RTL4: variants seen among roughly 807,000 people sequenced by gnomAD.
The protein encoded by RTL4 is retrotransposon Gag like 4, also known as retrotransposon Gag-like protein 4.
A neutral mutation model predicts 5.3 loss-of-function variants in RTL4; 4 were observed. The observed-to-expected ratio is 0.75, with a 90% CI of 0.37 to 1.72. The LOEUF (loss-of-function observed/expected upper bound fraction) is 1.72, where lower values mean the gene tolerates loss of function less well. RTL4 is among the 40% of genes most tolerant of loss of function. The pLI is 0.04. For missense variants in RTL4, 260 were observed against 227.1 expected (o/e 1.14, Z -0.93); for synonymous variants, 98 against 87.3 (o/e 1.12, Z -0.68).
chrX:112,125,381 C>T, the RTL4 span, among the ~76,000 whole-genome samples: 4 of 111,704 alleles, frequency 3.6e-5, no homozygotes, highest in African/African-American at 1.3e-4. Context: ...TAAAACCTTA[C>T]CTCACACACA....
chrX:112,409,249 A>G, the RTL4 span, among the ~76,000 whole-genome samples: 1 of 112,234 alleles, frequency 8.9e-6, no homozygotes, highest in African/African-American at 3.2e-5. Flanking sequence ...AACAAATAGA[A>G]ACAACCAAAA....
At chrX:112,169,175 T>G in the RTL4 span, among the ~76,000 whole-genome samples, 1 of 106,883 alleles carries the variant, frequency 9.4e-6, no homozygotes, top group Non-Finnish European at 1.9e-5. Context: ...TGTGCAATGG[T>G]GCGTTCTCGG....
At chrX:112,234,640 C>T in the RTL4 span, among the ~76,000 whole-genome samples, 5 of 111,962 alleles carry the variant, frequency 4.5e-5, no homozygotes, top group Admixed American at 9.5e-5. Context: ...CCCACCTGTA[C>T]GTGCTCCTCC....
At chrX:112,226,192 C>A in the RTL4 span, among the ~76,000 whole-genome samples, 1 of 111,770 alleles carries the variant, frequency 8.9e-6, no homozygotes, top group Non-Finnish European at 1.9e-5. Flanking sequence ...CTTTTAAAAC[C>A]CAGCTCTTTC....
chrX:112,288,064 A>G, the RTL4 span, among the ~76,000 whole-genome samples: 1 of 111,752 alleles, frequency 8.9e-6, no homozygotes, highest in Admixed American at 9.5e-5. Flanking sequence ...GAGGACAACA[A>G]CTGTTGCTCT....
the RTL4 span, among the ~76,000 whole-genome samples, chrX:112,133,549 G>T: frequency 1.6e-4 from 18 of 111,493 alleles, no homozygotes; most frequent in East Asian, 4.0e-3. Flanking sequence ...CATCCATGCA[G>T]TTTGAAAACA....
the RTL4 span, among the ~76,000 whole-genome samples, chrX:112,392,612 C>G: frequency 4.5e-5 from 5 of 110,669 alleles, no homozygotes; most frequent in African/African-American, 1.6e-4. Flanking sequence ...GAGCAGCAGT[C>G]CTGTGCTCCT....
chrX:112,401,385 C>G, the RTL4 span, among the ~76,000 whole-genome samples: 1 of 111,582 alleles, frequency 9.0e-6, no homozygotes, highest in African/African-American at 3.3e-5. Flanking sequence ...TATCTATATC[C>G]TATCTACTGC....
chrX:112,324,610 T>C, the RTL4 span, among the ~76,000 whole-genome samples: 1 of 111,730 alleles, frequency 9.0e-6, no homozygotes, highest in African/African-American at 3.2e-5. Flanking sequence ...ATTTCCTTTG[T>C]AGCACTCTTT....
chrX:112,148,136 A>AT, the RTL4 span, among the ~76,000 whole-genome samples: 2 of 110,553 alleles, frequency 1.8e-5, no homozygotes, highest in Admixed American at 1.9e-4. Flanking sequence ...GAAGAGCATT[A>AT]TTTGACAGAT....
chrX:112,117,027 T>C, the RTL4 span, among the ~76,000 whole-genome samples: 1 of 111,647 alleles, frequency 9.0e-6, no homozygotes, highest in Non-Finnish European at 1.9e-5. Flanking sequence ...CATAAGTAAA[T>C]ATTTTTGTAA....
chrX:112,405,173 G>A, the RTL4 span, among the ~76,000 whole-genome samples: 5 of 111,313 alleles, frequency 4.5e-5, no homozygotes, highest in African/African-American at 1.6e-4. Flanking sequence ...TCACTTTAGG[G>A]CCACACACTC....
the RTL4 span, among the ~76,000 whole-genome samples, chrX:112,401,294 A>G: frequency 9.0e-6 from 1 of 110,765 alleles, no homozygotes; most frequent in Non-Finnish European, 1.9e-5. Context: ...CCCATAATCT[A>G]TATGTCTCTA....
At chrX:112,280,663 T>C in the RTL4 span, among the ~76,000 whole-genome samples, 2 of 109,509 alleles carry the variant, frequency 1.8e-5, no homozygotes, top group East Asian at 2.9e-4. Context: ...TAACTTATCT[T>C]TATATTTTGT....
At chrX:112,346,581 C>T in the RTL4 span, among the ~76,000 whole-genome samples, 1 of 110,947 alleles carries the variant, frequency 9.0e-6, no homozygotes, top group African/African-American at 3.3e-5. Context: ...TGAGAATATC[C>T]CTCTTTAGTA....
chrX:112,303,681 A>G, the RTL4 span, among the ~76,000 whole-genome samples: 9 of 97,840 alleles, frequency 9.2e-5, no homozygotes, highest in South Asian at 9.8e-4. Flanking sequence ...TGGGTGCAGC[A>G]CACCAGCATG....
the RTL4 span, among the ~76,000 whole-genome samples, chrX:112,281,662 A>AT: frequency 9.1e-6 from 1 of 109,845 alleles, no homozygotes; most frequent in Non-Finnish European, 1.9e-5. Context: ...GTTGTCTTTC[A>AT]TTTTTTTTAC....
the RTL4 span, among the ~76,000 whole-genome samples, chrX:112,302,178 G>A: frequency 1.1e-3 from 116 of 107,245 alleles, 1 homozygote; most frequent in East Asian, 6.8e-3. Flanking sequence ...GGAGAATGGC[G>A]TGAACCCAGG....
chrX:112,349,980 G>T, the RTL4 span, among the ~76,000 whole-genome samples: 4 of 110,462 alleles, frequency 3.6e-5, no homozygotes, highest in East Asian at 1.1e-3. Context: ...TGCCCATTCA[G>T]TATGATATTG....
Sources: allele counts gnomAD v4.1 joint callset (sites outside exome capture counted in the v4.1 genomes callset), GRCh38; gene constraint gnomAD v4.1.1; transcripts MANE v1.5; gene names NCBI Gene and HGNC (gene_info 2026-07-23, HGNC 2026-07-21).